The following AMBRA1 variants were observed in gnomAD, a reference collection of about 807,000 sequenced individuals.
The protein encoded by AMBRA1 is activating molecule in BECN1-regulated autophagy protein 1.
Under a neutral mutation model 125.4 loss-of-function variants are expected in AMBRA1, and 47 were observed. That is an observed-to-expected ratio of 0.37 (90% CI 0.30 to 0.48). The LOEUF (loss-of-function observed/expected upper bound fraction) is 0.48. Among genes scored for constraint, AMBRA1 ranks in the 20% least tolerant of loss-of-function variants. The pLI, the probability that AMBRA1 is intolerant of heterozygous loss-of-function variation, is 0.99. For synonymous variants in AMBRA1, 626 were observed against 655.5 expected (o/e 0.95, Z 0.69); for missense variants, 1,331 against 1,693.4 (o/e 0.79, Z 3.76).
intron 17 of AMBRA1, among the ~76,000 whole-genome samples, chr11:46,400,700 T>A (rs2136581474): frequency 6.6e-6 from 1 of 152,066 alleles, no homozygotes; most frequent in South Asian, 2.1e-4. Flanking sequence ...TTGCCCAGGC[T>A]GGTCTTGAAC....
At chr11:46,544,946 G>A (rs1481791236) in intron 5 of AMBRA1, among the ~76,000 whole-genome samples, 2 of 151,646 alleles carry the variant, frequency 1.3e-5, no homozygotes, top group East Asian at 3.9e-4. Flanking sequence ...GTGAGGCCCC[G>A]CCCCCCAAAT....
At chr11:46,591,404 T>C (rs1190903386) in intron 1 of AMBRA1, 3 of 152,202 alleles carry the variant, frequency 2.0e-5, no homozygotes, top group African/African-American at 7.2e-5. Flanking sequence ...AAATTGCTTA[T>C]GATTAAGGGC....
intron 11 of AMBRA1, among the ~76,000 whole-genome samples, chr11:46,471,890 T>C (rs1480209649): frequency 6.6e-6 from 1 of 152,092 alleles, no homozygotes; most frequent in African/African-American, 2.4e-5. Context: ...CCTCCCAAAG[T>C]GCCAGGATTA....
intron 11 of AMBRA1, among the ~76,000 whole-genome samples, chr11:46,461,936 A>T (rs1397161832): frequency 1.3e-5 from 2 of 152,206 alleles, no homozygotes; most frequent in African/African-American, 4.8e-5. Flanking sequence ...CCTGAAAAGA[A>T]GAAAGACTTA....
chr11:46,499,477 C>A (rs190816784), intron 9 of AMBRA1, among the ~76,000 whole-genome samples: 2 of 152,168 alleles, frequency 1.3e-5, no homozygotes, highest in South Asian at 2.1e-4. Context: ...CAATATTACA[C>A]GTTTTTAAGC....
intron 1 of AMBRA1, among the ~76,000 whole-genome samples, chr11:46,578,267 A>C (rs999101784): frequency 2.0e-5 from 3 of 152,018 alleles, no homozygotes; most frequent in Non-Finnish European, 4.4e-5. Context: ...CGGGTGGATC[A>C]CCTGAGCTCA....
chr11:46,429,362 G>A (rs1240358471), intron 14 of AMBRA1, among the ~76,000 whole-genome samples: 1 of 152,208 alleles, frequency 6.6e-6, no homozygotes, highest in Non-Finnish European at 1.5e-5. Flanking sequence ...GGAGCCGATG[G>A]AACTCGAACT....
intron 1 of AMBRA1, among the ~76,000 whole-genome samples, chr11:46,568,277 G>A (rs771893093): frequency 4.6e-5 from 7 of 152,134 alleles, no homozygotes; most frequent in Non-Finnish European, 1.0e-4. Flanking sequence ...GGCCAACGTG[G>A]TGAAACCCCG....
At chr11:46,506,841 AGAT>A (rs1951051703) in intron 9 of AMBRA1, among the ~76,000 whole-genome samples, 1 of 152,168 alleles carries the variant, frequency 6.6e-6, no homozygotes, top group Non-Finnish European at 1.5e-5. Flanking sequence ...CAGAAGCAGC[AGAT>A]GAGAGAATGC....
chr11:46,427,521 G>A (rs953771321), intron 14 of AMBRA1, among the ~76,000 whole-genome samples: 5 of 152,188 alleles, frequency 3.3e-5, no homozygotes, highest in South Asian at 4.1e-4. Flanking sequence ...AACTTAGCGC[G>A]CAGAGTCATC....
At chr11:46,549,238 A>G (rs946231388) in intron 1 of AMBRA1, among the ~76,000 whole-genome samples, 1 of 152,258 alleles carries the variant, frequency 6.6e-6, no homozygotes, top group African/African-American at 2.4e-5. Context: ...GGTCTATACA[A>G]TGGACTATGT....
At chr11:46,569,428 TAAA>T (rs60592464) in intron 1 of AMBRA1, among the ~76,000 whole-genome samples, 16,129 of 126,858 alleles carry the variant, frequency 0.13, 1,057 homozygotes, top group Middle Eastern at 0.15. Flanking sequence ...ACTGAGAGAT[TAAA>T]AAAAAAAAAA....
At chr11:46,446,725 G>A (rs1224734902) in intron 11 of AMBRA1, among the ~76,000 whole-genome samples, 1 of 152,180 alleles carries the variant, frequency 6.6e-6, no homozygotes, top group African/African-American at 2.4e-5. Context: ...GTCCTCTGGG[G>A]ATAAAAATCA....
chr11:46,570,122 C>T (rs2043702499), intron 1 of AMBRA1, among the ~76,000 whole-genome samples: 1 of 151,256 alleles, frequency 6.6e-6, no homozygotes, highest in Non-Finnish European at 1.5e-5. Flanking sequence ...AATAGCTGGG[C>T]ATGGTGGTGC....
At chr11:46,489,892 C>T (rs1317934136) in intron 11 of AMBRA1, among the ~76,000 whole-genome samples, 3 of 152,168 alleles carry the variant, frequency 2.0e-5, no homozygotes, top group African/African-American at 7.2e-5. Flanking sequence ...GACGACAGAA[C>T]AGAACTCTTC....
chr11:46,540,203 A>G lies in AMBRA1; in HGVS notation c.2072+1742T>C, dbSNP rs79963008. On this transcript the variant is annotated intron_variant, in intron 7 of 17. Transcript: ENST00000683756. ...CCACTCAGGAATTTCTCAGAATAGC[A>G]CATGAAGAGGTACTACTAAAGCAGA... Among the ~76,000 whole-genome samples the G allele has an allele frequency of 6.9e-3, 1,058 of 152,344 alleles. 11 individuals carry two copies. Among genetic ancestry groups the G allele is most frequent in the African/African-American group, 0.024 (998 of 41,570 alleles).
intron 1 of AMBRA1, among the ~76,000 whole-genome samples, chr11:46,576,738 G>A (rs976909869): frequency 6.6e-6 from 1 of 152,096 alleles, no homozygotes; most frequent in Admixed American, 6.6e-5. Context: ...CCCTCCAAGA[G>A]ATTATAAAAT....
chr11:46,520,771 ATT>A (rs35987296), intron 7 of AMBRA1, among the ~76,000 whole-genome samples: 14 of 130,688 alleles, frequency 1.1e-4, no homozygotes, highest in South Asian at 2.5e-4. Flanking sequence ...AATTTTTTGT[ATT>A]TTTTTTTTTT....
At position 46,525,869 on chromosome 11, in the gene AMBRA1, G is replaced by A. The variant is rs973952008; in HGVS notation, c.2073-13056C>T. Reference sequence around the variant, plus strand: ...GGAGGTTGCAGTGAGCAGAGATCACGCCATTGCACTCCAGCCTGGGTGACA... The same window carrying A: ...GGAGGTTGCAGTGAGCAGAGATCACACCATTGCACTCCAGCCTGGGTGACA... On this transcript the variant is annotated intron_variant, in intron 7 of 17. Transcript: ENST00000683756. Among the ~76,000 whole-genome samples the A allele has an allele frequency of 5.3e-5, 8 of 151,786 alleles. 1 individual carries two copies. Among genetic ancestry groups the A allele is most frequent in the Admixed American group, 3.9e-4 (6 of 15,238 alleles).
Sources: gnomAD v4.1 joint callset for allele counts (sites outside exome capture counted in the v4.1 genomes callset) on GRCh38, gnomAD v4.1.1 for gene constraint, MANE v1.5 for transcripts, NCBI Gene and HGNC (gene_info 2026-07-23, HGNC 2026-07-21) for gene names.